Variants in KIFAP3 observed in about 807,000 individuals in gnomAD.
The protein encoded by KIFAP3 is kinesin associated protein 3.
In KIFAP3, 68 loss-of-function variants were observed where a neutral mutation model predicts 106.5. The observed-to-expected ratio is 0.64, with a 90% CI of 0.53 to 0.78. The LOEUF (loss-of-function observed/expected upper bound fraction) is 0.78. KIFAP3 is among the 30% of genes least tolerant of loss of function. KIFAP3 has a pLI of 0.00. For missense variants in KIFAP3, 780 were observed against 941.8 expected (o/e 0.83, Z 2.25); for synonymous variants, 320 against 311.5 (o/e 1.03, Z -0.29).
At chr1:170,056,371 T>C (rs1670854788) in intron 1 of KIFAP3, among the ~76,000 whole-genome samples, 3 of 152,196 alleles carry the variant, frequency 2.0e-5, no homozygotes, top group South Asian at 2.1e-4. Context: ...TATATACTCT[T>C]TCTTCAAGCC....
chr1:170,005,076 A>G (rs1667876530), intron 10 of KIFAP3, among the ~76,000 whole-genome samples: 1 of 152,100 alleles, frequency 6.6e-6, no homozygotes. Context: ...TCAAAAGAAG[A>G]CATTTATGCA....
At chr1:170,036,235 A>C (rs948332897) in intron 5 of KIFAP3, among the ~76,000 whole-genome samples, 1 of 152,104 alleles carries the variant, frequency 6.6e-6, no homozygotes, top group African/African-American at 2.4e-5. Context: ...ACTAATTCTT[A>C]AAATAATTAA....
chr1:170,003,719 A>G (rs1184712336), intron 10 of KIFAP3, among the ~76,000 whole-genome samples: 1 of 152,238 alleles, frequency 6.6e-6, no homozygotes, highest in Non-Finnish European at 1.5e-5. Context: ...TCAAAATAAT[A>G]AGAGCTATCT....
At chr1:169,974,509 T>A (rs1571588477) in intron 16 of KIFAP3, among the ~76,000 whole-genome samples, 1 of 151,956 alleles carries the variant, frequency 6.6e-6, no homozygotes, top group Non-Finnish European at 1.5e-5. Flanking sequence ...CATGGCTATA[T>A]TGCATAGTGG....
intron 10 of KIFAP3, among the ~76,000 whole-genome samples, chr1:170,005,905 C>T (rs1364523294): frequency 1.3e-5 from 2 of 151,810 alleles, no homozygotes; most frequent in African/African-American, 4.8e-5. Flanking sequence ...TCTAGAAATA[C>T]TCAAAACTGT....
upstream of KIFAP3, among the ~76,000 whole-genome samples, chr1:170,078,258 T>A (rs1476985799): frequency 6.6e-6 from 1 of 152,152 alleles, no homozygotes; most frequent in East Asian, 1.9e-4. Flanking sequence ...TTCTAATAAG[T>A]GTGCAGGGCT....
chr1:170,053,194 C>T (rs983259444), intron 2 of KIFAP3, among the ~76,000 whole-genome samples: 1 of 152,272 alleles, frequency 6.6e-6, no homozygotes, highest in South Asian at 2.1e-4. Context: ...TTCCTATACA[C>T]CAACAACAGA....
Position 170,074,610 on chromosome 1 carries a change from T to C in KIFAP3, c.-143A>G, listed in dbSNP as rs1671851965. The C allele has an allele frequency of 6.6e-7, 1 of 1,519,264 alleles. No individual in the cohort carries two copies. The highest frequency in any genetic ancestry group is 1.4e-5 in the African/African-American group (1 of 72,748). 94.1% of individuals were successfully genotyped at this position (1,519,264 alleles called of 1,614,324 possible). ...GCAAGGCGGGGCAGCAGCGGCGCTG[T>C]GGTTACCACGGTGAAGCCTCCAGCT... On this transcript the variant is annotated 5_prime_UTR_variant, in exon 1 of 20. Coordinates refer to ENST00000361580, the MANE Select transcript of KIFAP3 (RefSeq NM_014970.4).
chr1:169,980,457 G>T (rs2101906351), intron 15 of KIFAP3, among the ~76,000 whole-genome samples: 1 of 152,224 alleles, frequency 6.6e-6, no homozygotes, highest in South Asian at 2.1e-4. Context: ...GGAGAAGAAT[G>T]AGCCCTGCCC....
intron 11 of KIFAP3, among the ~76,000 whole-genome samples, chr1:169,989,063 G>A (rs1030705769): frequency 4.6e-5 from 7 of 151,946 alleles, no homozygotes; most frequent in Non-Finnish European, 8.8e-5. Context: ...TTGCATACAT[G>A]TTTGATGTTA....
chr1:169,982,563 T>C, intron 14 of KIFAP3, 139 bp downstream of exon 14: 1 of 515,654 alleles, frequency 1.9e-6, no homozygotes, highest in East Asian at 3.1e-5. Flanking sequence ...AGTGACTACC[T>C]TTCTGGGAGA....
intron 17 of KIFAP3, among the ~76,000 whole-genome samples, chr1:169,963,144 T>C (rs952849131): frequency 6.6e-6 from 1 of 152,142 alleles, no homozygotes; most frequent in African/African-American, 2.4e-5. Context: ...CTTGTTCCCT[T>C]CTTTGTGTTC....
At chr1:170,029,704 G>T (rs1303249444) in intron 8 of KIFAP3, among the ~76,000 whole-genome samples, 1 of 151,784 alleles carries the variant, frequency 6.6e-6, no homozygotes, top group Non-Finnish European at 1.5e-5. Context: ...AATTGGTAGG[G>T]CTAAAAGCAC....
At position 169,921,776 on chromosome 1, in the gene KIFAP3, C is replaced by T; in HGVS notation, c.2279G>A (p.Gly760Glu). Residue 760 changes from glycine (G) to glutamate (E), a missense_variant, in exon 20 of 20, where the codon GGA becomes GAA. This residue lies in a region of KIFAP3 where 114 missense variants were observed against 122.3 expected (regional missense o/e 0.93). Transcript: ENST00000361580. ...AACTGGTTGGCCAAAGCCATCCATTCCAAGGCTAAAAAAGAAAAAAAAGAA... is the reference window on the plus strand; with the variant it reads ...AACTGGTTGGCCAAAGCCATCCATTTCAAGGCTAAAAAAGAAAAAAAAGAA... The part of the protein sequence containing the change: ...VGQHSFPGSL[G>E]MDGFGQPVGI... 1 of 1,612,918 alleles carries T rather than the reference C, an allele frequency of 6.2e-7. No individual in the cohort carries two copies. Among genetic ancestry groups the T allele is most frequent in the Non-Finnish European group, 8.5e-7 (1 of 1,179,102 alleles).
intron 10 of KIFAP3, among the ~76,000 whole-genome samples, chr1:170,006,380 T>C (rs1667962887): frequency 6.6e-6 from 1 of 152,166 alleles, no homozygotes; most frequent in East Asian, 1.9e-4. Context: ...GGTTCAATAT[T>C]ATTCATCTGC....
rs1669634525 is a variant in KIFAP3, at chr1:170,035,401, CAA to C, written c.617+51_617+52del. On this transcript the variant is annotated intron_variant, in intron 6 of 19. Transcript: ENST00000361580. ...CTACAAATTGAATCAATGACACAGA[CAA>C]AGAGCAATAGAGATACAGTAGCCTT... The C allele has an allele frequency of 3.6e-6, 4 of 1,106,518 alleles. No homozygotes were observed. The Admixed American group carries it at 7.1e-5, about 20-fold the overall frequency. 68.5% of individuals were successfully genotyped at this position (1,106,518 alleles called of 1,614,324 possible). A position where few individuals can be genotyped will look rare whatever the true frequency, so the allele number is the denominator to read the frequency against.
intron 19 of KIFAP3, among the ~76,000 whole-genome samples, chr1:169,943,975 C>T (rs1275775059): frequency 6.6e-6 from 1 of 152,196 alleles, no homozygotes; most frequent in African/African-American, 2.4e-5. Flanking sequence ...TGCTGAATTT[C>T]TTCTACTAAG....
chr1:169,945,876 A>G (rs1005428711), intron 19 of KIFAP3, among the ~76,000 whole-genome samples: 13 of 152,346 alleles, frequency 8.5e-5, no homozygotes, highest in African/African-American at 3.1e-4. Context: ...ATAATCTAAT[A>G]AAATCTGCCC....
intron 9 of KIFAP3, among the ~76,000 whole-genome samples, chr1:170,017,869 G>A (rs994037516): frequency 6.6e-6 from 1 of 152,186 alleles, no homozygotes; most frequent in Admixed American, 6.5e-5. Context: ...GAGGTTTAGG[G>A]CAATGAAGGC....
Sources: allele counts gnomAD v4.1 joint callset (sites outside exome capture counted in the v4.1 genomes callset), GRCh38; gene constraint gnomAD v4.1.1; regional missense constraint gnomAD v4.1.1; transcripts MANE v1.5; gene names NCBI Gene and HGNC (gene_info 2026-07-23, HGNC 2026-07-21).